Variants in NRG1 observed in about 807,000 individuals in gnomAD.
NRG1 encodes neuregulin 1.
NRG1 carries 18 observed loss-of-function variants against 63.8 expected under a neutral mutation model. That is an observed-to-expected ratio of 0.28 (90% CI 0.19 to 0.42). The LOEUF (loss-of-function observed/expected upper bound fraction) is 0.42. Among genes scored for constraint, NRG1 ranks in the 10% least tolerant of loss-of-function variants. The pLI, the probability that NRG1 is intolerant of heterozygous loss-of-function variation, is 1.00. For missense variants in NRG1, 762 were observed against 814.7 expected, an observed-to-expected ratio of 0.94 and a Z score of 0.79; for synonymous variants, 302 against 301.3, an observed-to-expected ratio of 1.00 and a Z score of -0.02.
chr8:32,544,576 T>C (rs6468120), upstream of NRG1, among the ~76,000 whole-genome samples: 84,923 of 150,704 alleles, frequency 0.56, 24,361 homozygotes, highest in East Asian at 0.81. Context: ...ATTTATGGCT[T>C]ACTGCAGCCT....
At chr8:32,290,254 A>T (rs1009930257) in intron 1 of NRG1, among the ~76,000 whole-genome samples, 2 of 152,128 alleles carry the variant, frequency 1.3e-5, no homozygotes, top group Admixed American at 6.6e-5. Context: ...AAAGATAATA[A>T]AATAAAAATA....
chr8:31,828,856 C>T (rs949280008), intron 1 of NRG1, among the ~76,000 whole-genome samples: 1 of 152,182 alleles, frequency 6.6e-6, no homozygotes, highest in Non-Finnish European at 1.5e-5. Context: ...ATTCTAATAT[C>T]TACTAGTCAG....
chr8:31,857,538 G>A (rs919967170), intron 1 of NRG1, among the ~76,000 whole-genome samples: 1 of 152,172 alleles, frequency 6.6e-6, no homozygotes, highest in African/African-American at 2.4e-5. Context: ...GATGAACCCG[G>A]TACCTCAGAT....
intron 5 of NRG1, among the ~76,000 whole-genome samples, chr8:32,663,329 C>G (rs994524544): frequency 3.9e-5 from 6 of 152,116 alleles, no homozygotes; most frequent in Non-Finnish European, 5.9e-5. Context: ...TAGGCTTTGA[C>G]AGTATCCAGT....
intron 1 of NRG1, among the ~76,000 whole-genome samples, chr8:31,961,958 A>G (rs2129626185): frequency 6.6e-6 from 1 of 150,448 alleles, no homozygotes; most frequent in South Asian, 2.1e-4. Flanking sequence ...TATTTTATCC[A>G]TATCTGTTTC....
At chr8:31,859,892 G>A (rs1371199829) in intron 1 of NRG1, among the ~76,000 whole-genome samples, 1 of 152,172 alleles carries the variant, frequency 6.6e-6, no homozygotes, top group Non-Finnish European at 1.5e-5. Context: ...TTCCCATGGT[G>A]GGGAGGTATG....
intron 1 of NRG1, among the ~76,000 whole-genome samples, chr8:32,192,683 C>T (rs140995212): frequency 6.6e-6 from 1 of 152,112 alleles, no homozygotes; most frequent in Non-Finnish European, 1.5e-5. Flanking sequence ...ACCTAAGCAT[C>T]ACATAACATA....
At chr8:32,208,792 A>T (rs1391424856) in intron 1 of NRG1, among the ~76,000 whole-genome samples, 1 of 152,208 alleles carries the variant, frequency 6.6e-6, no homozygotes, top group Non-Finnish European at 1.5e-5. Context: ...AGTTTGTGCA[A>T]TTTTGACTTG....
chr8:31,919,143 CA>C (rs1288783165), intron 1 of NRG1, among the ~76,000 whole-genome samples: 3 of 151,892 alleles, frequency 2.0e-5, no homozygotes, highest in Non-Finnish European at 4.4e-5. Flanking sequence ...TTGATCCTTT[CA>C]AAAAACCAGG....
intron 1 of NRG1, among the ~76,000 whole-genome samples, chr8:32,502,103 G>T (rs1341084088): frequency 6.6e-6 from 1 of 152,126 alleles, no homozygotes; most frequent in African/African-American, 2.4e-5. Flanking sequence ...AAGAAAAGAG[G>T]TTGACTCACA....
chr8:31,859,795 C>A (rs779722003), intron 1 of NRG1, among the ~76,000 whole-genome samples: 1 of 152,142 alleles, frequency 6.6e-6, no homozygotes, highest in Non-Finnish European at 1.5e-5. Flanking sequence ...TTATTCTAGC[C>A]TTTTATAACA....
chr8:32,116,810 T>A (rs1406069142), intron 1 of NRG1, among the ~76,000 whole-genome samples: 2 of 151,918 alleles, frequency 1.3e-5, no homozygotes, highest in Non-Finnish European at 2.9e-5. Flanking sequence ...ATTTTGTAAT[T>A]CATTCTATAA....
chr8:31,742,598 A>T (rs1379863088), intron 1 of NRG1, among the ~76,000 whole-genome samples: 1 of 150,542 alleles, frequency 6.6e-6, no homozygotes, highest in South Asian at 2.1e-4. Context: ...TACTAAATTT[A>T]TGCTAGCTGC....
At chr8:31,894,262 C>T (rs1384804998) in intron 1 of NRG1, among the ~76,000 whole-genome samples, 1 of 152,104 alleles carries the variant, frequency 6.6e-6, no homozygotes, top group Non-Finnish European at 1.5e-5. Flanking sequence ...ACAGTTTATG[C>T]ACAAAGAATT....
chr8:31,649,549 T>C (rs1804636412), intron 1 of NRG1, among the ~76,000 whole-genome samples: 1 of 152,188 alleles, frequency 6.6e-6, no homozygotes, highest in Non-Finnish European at 1.5e-5. Flanking sequence ...ATTCAACTCT[T>C]AGTTTAAATA....
intron 1 of NRG1, among the ~76,000 whole-genome samples, chr8:31,643,960 A>G (rs2130844149): frequency 6.6e-6 from 1 of 152,324 alleles, no homozygotes; most frequent in Non-Finnish European, 1.5e-5. Flanking sequence ...TGGTAGAATG[A>G]AGATGTATAC....
At chr8:32,618,054 C>T (rs1463764648) in intron 5 of NRG1, among the ~76,000 whole-genome samples, 4 of 152,110 alleles carry the variant, frequency 2.6e-5, no homozygotes, top group African/African-American at 9.7e-5. Context: ...AATTAGTTTC[C>T]TATGTGTTCC....
chr8:31,814,775 T>A (rs899154847), intron 1 of NRG1, among the ~76,000 whole-genome samples: 4 of 151,968 alleles, frequency 2.6e-5, no homozygotes, highest in Non-Finnish European at 5.9e-5. Context: ...TGTTTTCATT[T>A]ATCTGCAACA....
intron 5 of NRG1, among the ~76,000 whole-genome samples, chr8:32,621,711 G>A (rs1047319992): frequency 3.3e-5 from 5 of 152,138 alleles, no homozygotes; most frequent in Admixed American, 3.3e-4. Context: ...TTTATTGAAG[G>A]CTTACTGTGT....
Sources: gnomAD v4.1 joint callset for allele counts (sites outside exome capture counted in the v4.1 genomes callset) on GRCh38, gnomAD v4.1.1 for gene constraint, MANE v1.5 for transcripts, NCBI Gene and HGNC (gene_info 2026-07-23, HGNC 2026-07-21) for gene names.